The following PCDH9 variants were observed in gnomAD, a reference collection of about 807,000 sequenced individuals.
PCDH9 encodes protocadherin-9.
Under a neutral mutation model 70.6 loss-of-function variants are expected in PCDH9, and 24 were observed. The observed-to-expected ratio is 0.34, with a 90% CI of 0.25 to 0.48. PCDH9 has a LOEUF of 0.48. Ranked by LOEUF, PCDH9 falls within the 20% of genes least tolerant of loss-of-function variation. The pLI is 0.99. For missense variants in PCDH9, 1,281 were observed against 1,503.6 expected (o/e 0.85, Z 2.45); for synonymous variants, 562 against 558.5 (o/e 1.01, Z -0.09).
In PCDH9 at chr13:66,574,908, C is replaced by T. The variant is rs77342949; in HGVS notation, c.3340+56302G>A. Reference sequence around the variant, plus strand: ...TATTTTTGGGCCGGGCGCAGTGGCTCATGCCTGTAATCCCAGCCCTTCGGG... The same window carrying T: ...TATTTTTGGGCCGGGCGCAGTGGCTTATGCCTGTAATCCCAGCCCTTCGGG... On this transcript the variant is annotated intron_variant, in intron 4 of 4. Transcript: ENST00000377865. Among the ~76,000 whole-genome samples, 579 of 152,260 alleles carry T rather than the reference C, an allele frequency of 3.8e-3. 5 individuals are homozygous for T. Among genetic ancestry groups the T allele is most frequent in the African/African-American group, 0.013 (558 of 41,568 alleles).
At chr13:66,785,865 T>G (rs2080071849) in intron 3 of PCDH9, among the ~76,000 whole-genome samples, 1 of 152,088 alleles carries the variant, frequency 6.6e-6, no homozygotes, top group East Asian at 1.9e-4. Context: ...AAATTTACTG[T>G]TTGAGACTGT....
At chr13:66,909,277 C>T (rs964152058) in intron 2 of PCDH9, among the ~76,000 whole-genome samples, 6 of 151,734 alleles carry the variant, frequency 4.0e-5, no homozygotes, top group African/African-American at 1.5e-4. Context: ...AACTACAAAA[C>T]CCTGATTAAA....
chr13:66,534,736 T>C (rs1254629267), intron 4 of PCDH9, among the ~76,000 whole-genome samples: 1 of 152,170 alleles, frequency 6.6e-6, no homozygotes, highest in African/African-American at 2.4e-5. Context: ...TTATAAGAAC[T>C]ATGCGAACTG....
At chr13:66,715,216 C>A (rs757596725) in intron 3 of PCDH9, among the ~76,000 whole-genome samples, 24 of 152,078 alleles carry the variant, frequency 1.6e-4, no homozygotes, top group Non-Finnish European at 3.2e-4. Flanking sequence ...AATATTTATA[C>A]GGCCACAATT....
At chr13:66,813,051 G>A (rs1213028192) in intron 3 of PCDH9, among the ~76,000 whole-genome samples, 1 of 152,138 alleles carries the variant, frequency 6.6e-6, no homozygotes, top group Non-Finnish European at 1.5e-5. Flanking sequence ...AGTGCAAATT[G>A]TTCATCTGGA....
At chr13:67,121,904 T>G (rs530065441) in intron 2 of PCDH9, among the ~76,000 whole-genome samples, 1 of 152,316 alleles carries the variant, frequency 6.6e-6, no homozygotes, top group Admixed American at 6.5e-5. Context: ...AATGGCATCC[T>G]TGATTATGAT....
At chr13:67,179,785 C>A (rs1014416821) in intron 2 of PCDH9, among the ~76,000 whole-genome samples, 1 of 152,028 alleles carries the variant, frequency 6.6e-6, no homozygotes, top group African/African-American at 2.4e-5. Flanking sequence ...CACCATTTTT[C>A]TGTTCAATTT....
intron 4 of PCDH9, among the ~76,000 whole-genome samples, chr13:66,372,178 TTTGG>T (rs1264594971): frequency 8.7e-4 from 133 of 152,056 alleles, no homozygotes; most frequent in African/African-American, 3.0e-3. Context: ...CAAGTTGTAG[TTTGG>T]AAACTAAATC....
intron 3 of PCDH9, among the ~76,000 whole-genome samples, chr13:66,737,916 G>C (rs1593980021): frequency 6.6e-6 from 1 of 151,064 alleles, no homozygotes; most frequent in South Asian, 2.1e-4. Flanking sequence ...GCGAGGCTGG[G>C]GGAGGGGCGC....
At chr13:67,110,962 T>A (rs1306957232) in intron 2 of PCDH9, among the ~76,000 whole-genome samples, 1 of 152,200 alleles carries the variant, frequency 6.6e-6, no homozygotes, top group Non-Finnish European at 1.5e-5. Flanking sequence ...GCAAATTCCA[T>A]AAGGCCAATG....
chr13:67,156,486 G>A (rs537374557), intron 2 of PCDH9, among the ~76,000 whole-genome samples: 3 of 151,960 alleles, frequency 2.0e-5, no homozygotes, highest in Non-Finnish European at 2.9e-5. Flanking sequence ...AGTGGGATGA[G>A]GCGGAGTTTG....
chr13:66,989,485 T>C (rs924312440), intron 2 of PCDH9, among the ~76,000 whole-genome samples: 4 of 151,990 alleles, frequency 2.6e-5, no homozygotes, highest in Admixed American at 6.6e-5. Context: ...GAATAAAATG[T>C]ATTCCTCAAC....
intron 2 of PCDH9, among the ~76,000 whole-genome samples, chr13:66,996,931 A>G (rs1481862341): frequency 6.6e-6 from 1 of 152,224 alleles, no homozygotes. Context: ...AGAGTTGTTG[A>G]CAGGAATAGC....
intron 4 of PCDH9, among the ~76,000 whole-genome samples, chr13:66,380,689 G>A (rs922463646): frequency 1.2e-4 from 18 of 151,780 alleles, no homozygotes; most frequent in Admixed American, 3.3e-4. Flanking sequence ...GACTACAGGC[G>A]CCCGCCACCA....
At chr13:66,764,153 T>C (rs1454877334) in intron 3 of PCDH9, among the ~76,000 whole-genome samples, 3 of 152,028 alleles carry the variant, frequency 2.0e-5, no homozygotes, top group Non-Finnish European at 1.5e-5. Context: ...GCCTTCCATA[T>C]TGTATTTCTT....
intron 2 of PCDH9, among the ~76,000 whole-genome samples, chr13:67,147,076 G>T (rs888881078): frequency 6.6e-6 from 1 of 152,064 alleles, no homozygotes; most frequent in Non-Finnish European, 1.5e-5. Flanking sequence ...TGCTCTAATG[G>T]ACTGTTTCTC....
intron 2 of PCDH9, among the ~76,000 whole-genome samples, chr13:66,904,781 A>AT (rs2082332951): frequency 6.6e-6 from 1 of 151,984 alleles, no homozygotes; most frequent in African/African-American, 2.4e-5. Context: ...CATTTTATAT[A>AT]TTTAAATATA....
In PCDH9 at chr13:67,065,399, C is replaced by CT. The variant is rs201082487; in HGVS notation, c.3036+160005dup. On this transcript the variant is annotated intron_variant, in intron 2 of 4. Coordinates refer to ENST00000377865, the MANE Select transcript of PCDH9 (RefSeq NM_203487.3). ...TAAAGGTGCAATTATTCTTTCCCAA[C>CT]TTTTTTTCAATTCTCTAAAATTACA... Among the ~76,000 whole-genome samples the CT allele has an allele frequency of 6.9e-4, 105 of 152,236 alleles. 1 individual carries two copies. The East Asian group carries it at 0.019, about 27-fold the overall frequency.
rs144316845 is a variant in PCDH9, at chr13:66,951,006, A to G, written c.3037-47401T>C. Among the ~76,000 whole-genome samples, 489 of 152,250 alleles carry G rather than the reference A, an allele frequency of 3.2e-3. 8 individuals are homozygous for G. Among genetic ancestry groups the G allele is most frequent in the Middle Eastern group, 3.4e-3 (1 of 294 alleles). On this transcript the variant is annotated intron_variant, in intron 2 of 4. Transcript: ENST00000377865. ...TTTATCATTTAATTTATTTTTCTCA[A>G]TGTTTACTGGATGAAATATCTCCCA...
Sources: gnomAD v4.1 joint callset for allele counts (sites outside exome capture counted in the v4.1 genomes callset) on GRCh38, gnomAD v4.1.1 for gene constraint, MANE v1.5 for transcripts, NCBI Gene and HGNC (gene_info 2026-07-23, HGNC 2026-07-21) for gene names.